The following GOPC variants were observed in gnomAD, a reference collection of about 807,000 sequenced individuals.
GOPC encodes the protein golgi associated PDZ and coiled-coil motif containing, also known as Golgi-associated PDZ and coiled-coil motif-containing protein.
Under a neutral mutation model 51.2 loss-of-function variants are expected in GOPC, and 32 were observed. The observed-to-expected ratio is 0.63, with a 90% CI of 0.47 to 0.84. The LOEUF (loss-of-function observed/expected upper bound fraction) is 0.84. Ranked by LOEUF, GOPC falls within the 40% of genes least tolerant of loss-of-function variation. GOPC has a pLI of 0.00. For missense variants in GOPC, 441 were observed against 555.5 expected (o/e 0.79, Z 2.07); for synonymous variants, 190 against 205.1 (o/e 0.93, Z 0.63).
intron 4 of GOPC, among the ~76,000 whole-genome samples, chr6:117,574,186 C>T (rs755149932): frequency 2.6e-5 from 4 of 151,364 alleles, no homozygotes; most frequent in South Asian, 2.1e-4. Context: ...GAAAGGTGGA[C>T]GCTGCAGTGA....
chr6:117,590,822 C>T (rs912993417), intron 1 of GOPC, among the ~76,000 whole-genome samples: 3 of 150,950 alleles, frequency 2.0e-5, no homozygotes, highest in Non-Finnish European at 4.4e-5. Flanking sequence ...GTATTTAACA[C>T]ATCAGTTCCA....
intron 8 of GOPC, among the ~76,000 whole-genome samples, chr6:117,566,462 C>A (rs1779698893): frequency 6.6e-6 from 1 of 152,142 alleles, no homozygotes; most frequent in African/African-American, 2.4e-5. Flanking sequence ...CAGTATACTT[C>A]ATACTTATTC....
In GOPC at chr6:117,577,520, T is replaced by C. The variant is rs769907009; in HGVS notation, c.451-49A>G. 57 of 1,457,228 alleles carry C rather than the reference T, an allele frequency of 3.9e-5. 1 individual carries two copies. The South Asian group carries it at 7.0e-4, about 18-fold the overall frequency. 90.3% of individuals were successfully genotyped at this position (1,457,228 alleles called of 1,614,324 possible). A position where few individuals can be genotyped will look rare whatever the true frequency, so the allele number is the denominator to read the frequency against. Reference sequence around the variant, plus strand: ...TATAATTAGAAAAAGATCAAACAAATGATTTTATTTAGTGGTATAGTCATT... The same window carrying C: ...TATAATTAGAAAAAGATCAAACAAACGATTTTATTTAGTGGTATAGTCATT... On this transcript the variant is annotated intron_variant, in intron 2 of 8. Coordinates refer to ENST00000368498, the MANE Select transcript of GOPC (RefSeq NM_020399.4).
chr6:117,566,772 C>A, intron 8 of GOPC, 82 bp downstream of exon 8: 1 of 837,366 alleles, frequency 1.2e-6, no homozygotes, highest in Non-Finnish European at 1.8e-6. Context: ...AACAGTTTTA[C>A]TGAAGAAATT....
chr6:117,577,525 T>C, intron 2 of GOPC, 54 bp from the exon 3 acceptor site: 1 of 1,406,538 alleles, frequency 7.1e-7, no homozygotes, highest in South Asian at 1.3e-5. Context: ...ACAAATGATT[T>C]TATTTAGTGG....
chr6:117,587,111 TC>T (rs2114621724), intron 1 of GOPC, among the ~76,000 whole-genome samples: 1 of 152,268 alleles, frequency 6.6e-6, no homozygotes, highest in African/African-American at 2.4e-5. Flanking sequence ...CCTCCTTACT[TC>T]AGGTCAGCTC....
At position 117,560,406 on chromosome 6, in the gene GOPC, A is replaced by G. The variant is rs759945842; in HGVS notation, c.*2848T>C. On this transcript the variant is annotated 3_prime_UTR_variant, in exon 9 of 9. Coordinates refer to ENST00000368498, the MANE Select transcript of GOPC (RefSeq NM_020399.4). ...GATATAATACATTATCATAAATGCA[A>G]TAGATTTGAGGCCAACCATAAGTGT... is the stretch of plus-strand genomic sequence containing the variant. The G allele has an allele frequency of 1.1e-5, 2 of 187,470 alleles. No homozygotes were observed. Among genetic ancestry groups the G allele is most frequent in the Non-Finnish European group, 2.3e-5 (2 of 88,634 alleles). The allele number at this position is 187,470 out of a possible 1,614,324, so 11.6% of individuals were successfully genotyped here.
At chr6:117,574,273 A>T (rs1449380084) in intron 4 of GOPC, among the ~76,000 whole-genome samples, 1 of 151,986 alleles carries the variant, frequency 6.6e-6, no homozygotes, top group Non-Finnish European at 1.5e-5. Flanking sequence ...AAAAAAAAAA[A>T]GTTACTAGAA....
chr6:117,588,322 C>G (rs1185425101), intron 1 of GOPC, among the ~76,000 whole-genome samples: 1 of 151,930 alleles, frequency 6.6e-6, no homozygotes. Context: ...CCAGGCCAGG[C>G]TGGAGTGTAG....
chr6:117,575,854 C>G (rs942890257), intron 3 of GOPC, among the ~76,000 whole-genome samples: 4 of 152,154 alleles, frequency 2.6e-5, no homozygotes, highest in Non-Finnish European at 4.4e-5. Context: ...CCCTATACCC[C>G]CTTTGTCCCT....
At chr6:117,579,155 T>C (rs2114614988) in intron 1 of GOPC, 91 bp from the exon 2 acceptor site, 1 of 977,280 alleles carries the variant, frequency 1.0e-6, no homozygotes, top group Non-Finnish European at 1.5e-6. Flanking sequence ...ACAGAGAGAC[T>C]ACCTTTGAAA....
chr6:117,588,081 A>G (rs550953219), intron 1 of GOPC, among the ~76,000 whole-genome samples: 3 of 152,070 alleles, frequency 2.0e-5, no homozygotes, highest in Admixed American at 6.6e-5. Context: ...AGGTCTCACT[A>G]TGTTGCTCAG....
intron 8 of GOPC, among the ~76,000 whole-genome samples, chr6:117,565,824 TTA>T (rs1779684872): frequency 6.6e-6 from 1 of 152,184 alleles, no homozygotes; most frequent in Non-Finnish European, 1.5e-5. Flanking sequence ...CCATACTTTG[TTA>T]GTCATTCATT....
chr6:117,602,275 C>A lies in GOPC; in HGVS notation c.14G>T (p.Gly5Val). Reference protein sequence around the residue: MSAGGPCPAAAGGGP... With the variant: MSAGVPCPAAAGGGP... ...CCCTCCGGCTGCTGCTGGGCATGGA[C>A]CGCCCGCCGACATGGCGCCGTCAAG... Residue 5 changes from glycine (G) to valine (V), a missense_variant, in exon 1 of 9, where the codon GGT (glycine) becomes GTT (valine). This residue lies in a region of GOPC where 204 missense variants were observed against 219.8 expected (regional missense o/e 0.93). Transcript: ENST00000368498. The A allele has an allele frequency of 6.3e-7, 1 of 1,589,752 alleles. No individual in the cohort carries two copies. The highest frequency in any genetic ancestry group is 8.5e-7 in the Non-Finnish European group (1 of 1,175,776).
chr6:117,563,455 C>T, intron 8 of GOPC, 71 bp from the exon 9 acceptor site: 1 of 1,453,902 alleles, frequency 6.9e-7, no homozygotes, highest in Non-Finnish European at 9.5e-7. Context: ...GGTGCAGTGG[C>T]TCATACCTGT....
Position 117,561,458 on chromosome 6 carries a change from G to A in GOPC, c.*1796C>T, listed in dbSNP as rs544486063. ...TTCATGTCACAGCAAAAAGGTTTTC[G>A]GGTCTGCTACAATGGACAATTTTTT... On this transcript the variant is annotated 3_prime_UTR_variant, in exon 9 of 9. Transcript: ENST00000368498. 1.3e-4 allele frequency: 29 copies of A among 221,462 alleles called. No homozygotes were observed. The highest frequency in any genetic ancestry group is 6.6e-5 in the East Asian group (1 of 15,252). 13.7% of individuals were successfully genotyped at this position (221,462 alleles called of 1,614,324 possible).
intron 1 of GOPC, among the ~76,000 whole-genome samples, chr6:117,582,557 G>A (rs1201489868): frequency 1.3e-5 from 2 of 151,482 alleles, no homozygotes; most frequent in Admixed American, 1.3e-4. Flanking sequence ...AGCCAGTAGA[G>A]AGGAGAAGCA....
intron 1 of GOPC, among the ~76,000 whole-genome samples, chr6:117,592,077 T>C (rs999521622): frequency 6.6e-6 from 1 of 152,146 alleles, no homozygotes; most frequent in Non-Finnish European, 1.5e-5. Flanking sequence ...TACAAAAAAT[T>C]AGCACAAGGC....
chr6:117,571,683 T>G (rs1350496145), intron 5 of GOPC, among the ~76,000 whole-genome samples: 1 of 152,214 alleles, frequency 6.6e-6, no homozygotes, highest in Non-Finnish European at 1.5e-5. Flanking sequence ...CTGGTCTCTG[T>G]AATTAGAGTT....
Sources: allele counts gnomAD v4.1 joint callset (sites outside exome capture counted in the v4.1 genomes callset), GRCh38; gene constraint gnomAD v4.1.1; regional missense constraint gnomAD v4.1.1; transcripts MANE v1.5; gene names NCBI Gene and HGNC (gene_info 2026-07-23, HGNC 2026-07-21).